The following PHF3 variants were observed in gnomAD, a reference collection of about 807,000 sequenced individuals.
The protein encoded by PHF3 is PHD finger protein 3.
Under a neutral mutation model 178.4 loss-of-function variants are expected in PHF3, and 41 were observed. The ratio of observed to expected loss-of-function variants is 0.23; its 90% confidence interval spans 0.18 to 0.30. The LOEUF is 0.30. Among genes scored for constraint, PHF3 ranks in the 10% least tolerant of loss-of-function variants. The pLI is 1.00. For synonymous variants in PHF3, 842 were observed against 800.5 expected (o/e 1.05, Z -0.88); for missense variants, 2,346 against 2,398.1 (o/e 0.98, Z 0.45).
intron 2 of PHF3, among the ~76,000 whole-genome samples, chr6:63,676,642 A>G (rs1489950752): frequency 6.6e-6 from 1 of 152,204 alleles, no homozygotes; most frequent in Non-Finnish European, 1.5e-5. Flanking sequence ...AGTTGGCAGG[A>G]GAAGATCTTG....
At chr6:63,646,883 T>C in intron 2 of PHF3, 88 bp downstream of exon 2, 1 of 1,018,048 alleles carries the variant, frequency 9.8e-7, no homozygotes, top group Non-Finnish European at 1.3e-6. Context: ...TTTCTTTTTT[T>C]CTTTTTTTTT....
At chr6:63,690,448 T>G (rs1766947844) in intron 4 of PHF3, among the ~76,000 whole-genome samples, 2 of 152,138 alleles carry the variant, frequency 1.3e-5, no homozygotes, top group Non-Finnish European at 2.9e-5. Flanking sequence ...TGGCAAGACT[T>G]TAAAAACACT....
At chr6:63,705,888 A>AT (rs1767667834) in intron 11 of PHF3, 141 bp from the exon 12 acceptor site, 1 of 615,766 alleles carries the variant, frequency 1.6e-6, no homozygotes, top group African/African-American at 1.8e-5. Context: ...CTAAATGATG[A>AT]CAGTTAGATA....
At chr6:63,672,649 T>C (rs1240198331) in intron 2 of PHF3, among the ~76,000 whole-genome samples, 1 of 152,218 alleles carries the variant, frequency 6.6e-6, no homozygotes, top group Non-Finnish European at 1.5e-5. Flanking sequence ...TGATAGGATA[T>C]CTACTGTTAA....
chr6:63,672,711 T>G (rs566149241), intron 2 of PHF3, among the ~76,000 whole-genome samples: 170 of 152,192 alleles, frequency 1.1e-3, no homozygotes, highest in Non-Finnish European at 2.2e-3. Context: ...TGAGTCCTTG[T>G]GGATGAGCCG....
At chr6:63,654,606 A>G (rs961937162) in intron 2 of PHF3, among the ~76,000 whole-genome samples, 6 of 152,192 alleles carry the variant, frequency 3.9e-5, no homozygotes, top group Non-Finnish European at 7.3e-5. Context: ...CAAAAGATCG[A>G]AAGAGTATGA....
At chr6:63,678,504 A>G (rs1346586455) in intron 2 of PHF3, among the ~76,000 whole-genome samples, 1 of 152,148 alleles carries the variant, frequency 6.6e-6, no homozygotes, top group African/African-American at 2.4e-5. Context: ...AAATAGGAAA[A>G]AGGTATATTC....
intron 4 of PHF3, among the ~76,000 whole-genome samples, chr6:63,687,095 T>C (rs1582079579): frequency 1.3e-5 from 2 of 152,204 alleles, no homozygotes; most frequent in Non-Finnish European, 2.9e-5. Context: ...GTCACTTACA[T>C]GCTCTTAATT....
In PHF3 at chr6:63,725,840, C is replaced by T. The variant is rs572584200; in HGVS notation, c.*12132C>T. On this transcript the variant is annotated 3_prime_UTR_variant, in exon 16 of 16. Transcript: ENST00000262043. ...TTATTTCTCAATATCAAAATTGTTT[C>T]TCATTTTCTGAGAGACAAGATCAAA... 2.0e-5 allele frequency among the ~76,000 whole-genome samples: 3 copies of T among 152,092 alleles called. No homozygotes were observed. Among genetic ancestry groups the T allele is most frequent in the African/African-American group, 7.2e-5 (3 of 41,508 alleles).
chr6:63,692,652 A>G (rs915134693), intron 5 of PHF3, among the ~76,000 whole-genome samples: 1 of 152,232 alleles, frequency 6.6e-6, no homozygotes, highest in African/African-American at 2.4e-5. Context: ...AGGCAAGTAT[A>G]ATCCAAAACG....
chr6:63,641,528 A>ATG (rs201250434), intron 1 of PHF3, among the ~76,000 whole-genome samples: 7,532 of 140,544 alleles, frequency 0.054, 195 homozygotes, highest in African/African-American at 0.073. Flanking sequence ...TTAGGTGTGT[A>ATG]TGTGTGTGTG....
intron 3 of PHF3, among the ~76,000 whole-genome samples, chr6:63,683,472 C>CTTTTTTT (rs1162099677): frequency 1.3e-5 from 2 of 151,974 alleles, no homozygotes; most frequent in Non-Finnish European, 2.9e-5. Context: ...TCATACTTTC[C>CTTTTTTT]TTATGATACA....
intron 1 of PHF3, among the ~76,000 whole-genome samples, chr6:63,640,954 G>A (rs1764545498): frequency 6.6e-6 from 1 of 152,086 alleles, no homozygotes; most frequent in African/African-American, 2.4e-5. Flanking sequence ...TCTAGACATG[G>A]CAAATGTTCT....
At position 63,685,788 on chromosome 6, in the gene PHF3, T is replaced by A; in HGVS notation, c.2066T>A (p.Phe689Tyr). The A allele has an allele frequency of 6.2e-7, 1 of 1,614,044 alleles. No individual in the cohort carries two copies. Among genetic ancestry groups the A allele is most frequent in the Non-Finnish European group, 8.5e-7 (1 of 1,180,018 alleles). Residue 689 changes from phenylalanine to tyrosine, a missense_variant, in exon 4 of 16, where the codon TTC becomes TAC. Transcript: ENST00000262043. ...TTTTCTTTAGATGAGCCACCATTGT[T>A]CATTCCAGATAACATAGCTACCATA... ...KSFSLDEPPLFIPDNIATIRR... is the reference protein window; with the variant it reads ...KSFSLDEPPLYIPDNIATIRR...
chr6:63,666,498 G>A (rs1243445541), intron 2 of PHF3, among the ~76,000 whole-genome samples: 3 of 150,954 alleles, frequency 2.0e-5, no homozygotes, highest in Middle Eastern at 3.2e-3. Context: ...GTCATTCCGC[G>A]GTATCCATAG....
At chr6:63,700,311 T>C in intron 8 of PHF3, 39 bp from the exon 9 acceptor site, 2 of 955,412 alleles carry the variant, frequency 2.1e-6, no homozygotes, top group South Asian at 3.1e-5. Flanking sequence ...ACTCAAAATG[T>C]TTGTCTCCCC....
In PHF3 at chr6:63,719,952, A is replaced by G. The variant is rs1768307961; in HGVS notation, c.*6244A>G. The G allele has an allele frequency of 6.6e-6, 1 of 152,050 alleles. No homozygotes were observed. Among genetic ancestry groups the G allele is most frequent in the African/African-American group, 2.4e-5 (1 of 41,424 alleles). 9.4% of individuals were successfully genotyped at this position (152,050 alleles called of 1,614,324 possible). On this transcript the variant is annotated 3_prime_UTR_variant, in exon 16 of 16. Transcript: ENST00000262043. ...ATATGCTATGTTTTAAGTTGCACATATTGTAATATCTATTGATGTCTTACT... is the reference window on the plus strand; with the variant it reads ...ATATGCTATGTTTTAAGTTGCACATGTTGTAATATCTATTGATGTCTTACT...
intron 10 of PHF3, 109 bp from the exon 11 acceptor site, chr6:63,703,427 A>G (rs1033614266): frequency 1.2e-5 from 14 of 1,133,362 alleles, no homozygotes; most frequent in East Asian, 2.8e-5. Flanking sequence ...AAACTTATCT[A>G]TGGAACAACT....
chr6:63,711,743 A>G lies in PHF3; in HGVS notation c.4155A>G (p.Glu1385=), dbSNP rs139772024. The G allele has an allele frequency of 1.8e-5, 29 of 1,613,758 alleles. No individual in the cohort carries two copies. The African/African-American group carries it at 3.3e-4, about 19-fold the overall frequency. ...CACCTGATAAAAAAAGTAAAATAGA[A>G]GTTTCTACAGAAGAAGCACCAGAGG... ...ALPPDKKSKI[E]VSTEEAPEEE... is the part of the protein sequence containing the mutation. The change falls in exon 16 of 16, where the codon GAA becomes GAG. Residue 1385 remains glutamate (E), a synonymous_variant. Transcript: ENST00000262043.
Sources: allele counts gnomAD v4.1 joint callset (sites outside exome capture counted in the v4.1 genomes callset), GRCh38; gene constraint gnomAD v4.1.1; transcripts MANE v1.5; gene names NCBI Gene and HGNC (gene_info 2026-07-23, HGNC 2026-07-21).